ERMP1: variants seen among roughly 807,000 people sequenced by gnomAD.
ERMP1 encodes Felix-ina.
Under a neutral mutation model 92.0 loss-of-function variants are expected in ERMP1, and 86 were observed. That is an observed-to-expected ratio of 0.93 (90% confidence interval 0.79 to 1.12). The LOEUF is 1.12. Among genes scored for constraint, ERMP1 ranks in the 50% most tolerant of loss-of-function variants. ERMP1 has a pLI of 0.00. For missense variants in ERMP1, 1,342 were observed against 1,116.3 expected, an observed-to-expected ratio of 1.20 and a Z score of -2.88; for synonymous variants, 530 against 412.8, an observed-to-expected ratio of 1.28 and a Z score of -3.44.
At chr9:5,856,266 G>C (rs571343953) in intron 6 of ERMP1, 4 of 280,680 alleles carry the variant, frequency 1.4e-5, no homozygotes, top group Non-Finnish European at 2.9e-5. Context: ...GTCTGGAACC[G>C]AAAGACTGTT....
chr9:5,810,928 C>T (rs1829066491), intron 7 of ERMP1, among the ~76,000 whole-genome samples, 183 bp downstream of exon 7: 1 of 151,904 alleles, frequency 6.6e-6, no homozygotes, highest in Admixed American at 6.6e-5. Flanking sequence ...AAATTGACTG[C>T]TTCACCAAGA....
intron 6 of ERMP1, among the ~76,000 whole-genome samples, chr9:5,840,474 T>A (rs1429044493): frequency 6.6e-6 from 1 of 152,230 alleles, no homozygotes. Context: ...TGCAGCTTTA[T>A]GAATGTCAGG....
intron 2 of ERMP1, among the ~76,000 whole-genome samples, chr9:5,828,228 T>C (rs965714737): frequency 1.2e-4 from 19 of 152,228 alleles, no homozygotes; most frequent in Admixed American, 6.5e-4. Flanking sequence ...TCTGTAACAT[T>C]TGGCACTATG....
chr9:5,863,539 C>T (rs1476572035), intron 5 of ERMP1, among the ~76,000 whole-genome samples: 3 of 152,146 alleles, frequency 2.0e-5, no homozygotes. Flanking sequence ...AGGGCAGAGT[C>T]CTCAGATGAC....
chr9:5,797,586 T>A (rs1169368900), intron 13 of ERMP1, among the ~76,000 whole-genome samples: 2 of 150,654 alleles, frequency 1.3e-5, no homozygotes, highest in African/African-American at 4.9e-5. Context: ...AGGCGGAGGT[T>A]GCAGTGAGCC....
chr9:5,802,916 CA>C (rs1828725407), intron 10 of ERMP1, among the ~76,000 whole-genome samples: 1 of 152,052 alleles, frequency 6.6e-6, no homozygotes, highest in Admixed American at 6.6e-5. Context: ...ACACAGGATG[CA>C]ATATTTCAGG....
At chr9:5,837,780 G>A (rs10975312), upstream of ERMP1, among the ~76,000 whole-genome samples, 2,197 of 152,294 alleles carry the variant, frequency 0.014, 22 homozygotes, top group Non-Finnish European at 0.021. Context: ...GAATGCATGT[G>A]AAAATGTGGA....
intron 13 of ERMP1, among the ~76,000 whole-genome samples, chr9:5,788,766 T>G (rs1355448805): frequency 1.3e-5 from 2 of 151,466 alleles, no homozygotes; most frequent in Non-Finnish European, 2.9e-5. Context: ...TACAAATATA[T>G]CCATACAAAC....
chr9:5,792,021 T>G (rs903035261), intron 13 of ERMP1, among the ~76,000 whole-genome samples: 1 of 152,172 alleles, frequency 6.6e-6, no homozygotes, highest in Non-Finnish European at 1.5e-5. Flanking sequence ...CTTCATATTT[T>G]GCCAAGAAGA....
At chr9:5,823,857 A>T in intron 4 of ERMP1, 39 bp downstream of exon 4, 1 of 1,369,776 alleles carries the variant, frequency 7.3e-7, no homozygotes, top group Non-Finnish European at 1.0e-6. Context: ...TACAAAAACT[A>T]GAATTGCATT....
At chr9:5,815,735 A>AAAGAAAT (rs1829278931) in intron 4 of ERMP1, among the ~76,000 whole-genome samples, 1 of 152,128 alleles carries the variant, frequency 6.6e-6, no homozygotes, top group African/African-American at 2.4e-5. Flanking sequence ...TTGTACAAAG[A>AAAGAAAT]AAGAAATAGT....
At chr9:5,849,576 G>C (rs1830281146) in intron 6 of ERMP1, among the ~76,000 whole-genome samples, 1 of 152,122 alleles carries the variant, frequency 6.6e-6, no homozygotes, top group Admixed American at 6.5e-5. Flanking sequence ...CATAAACAAA[G>C]TCATGGTTTG....
At chr9:5,830,502 G>A (rs1829897421) in intron 2 of ERMP1, among the ~76,000 whole-genome samples, 1 of 152,200 alleles carries the variant, frequency 6.6e-6, no homozygotes, top group Non-Finnish European at 1.5e-5. Context: ...TCACTGGGCT[G>A]CTGGCATTAA....
rs766975093 is a variant in ERMP1 at position 5,833,075 on chromosome 9, C to A, written c.-48G>T. The stretch of plus-strand genomic sequence containing the variant: ...CCCAACCGCCCCAACCCGCGACAGC[C>A]CCGGCCGCCGCCGACGCCGCCGTCG... On this transcript the variant is annotated 5_prime_UTR_variant, in exon 1 of 15. Transcript: ENST00000339450. The A allele has an allele frequency of 1.4e-6, 2 of 1,394,712 alleles. No homozygotes were observed. Among genetic ancestry groups the A allele is most frequent in the Non-Finnish European group, 9.2e-7 (1 of 1,081,098 alleles). 86.4% of individuals were successfully genotyped at this position (1,394,712 alleles called of 1,614,324 possible).
chr9:5,861,315 G>A lies in ERMP1; in HGVS notation n.3056-1704C>T, dbSNP rs1349424499. On this transcript the variant is annotated intron_variant and non_coding_transcript_variant, in intron 5 of 6. Transcript: ENST00000690753. ...GGATGTCATCATTGGCCTTAGCTGT[G>A]CTGAATTTGGGTGAAAAAAAAGTAA... Among the ~76,000 whole-genome samples the A allele has an allele frequency of 3.3e-5, 5 of 151,828 alleles. No homozygotes were observed. In the East Asian group the frequency reaches 9.7e-4, roughly 29 times the overall value.
intron 4 of ERMP1, among the ~76,000 whole-genome samples, chr9:5,813,636 G>T (rs1160726298): frequency 6.6e-6 from 1 of 151,930 alleles, no homozygotes; most frequent in Non-Finnish European, 1.5e-5. Flanking sequence ...GTGAATTGTG[G>T]AGCATTATGG....
chr9:5,806,393 A>C lies in ERMP1; in HGVS notation c.1549-608T>G, dbSNP rs141562676. ...TAAAGTCCAAGGGTTCCTATGTAGCACCTTGCACTCTTCAAAATAAAGTTG... is the reference window on the plus strand; with the variant it reads ...TAAAGTCCAAGGGTTCCTATGTAGCCCCTTGCACTCTTCAAAATAAAGTTG... On this transcript the variant is annotated intron_variant, in intron 8 of 14. Transcript: ENST00000339450. Among the ~76,000 whole-genome samples the C allele has an allele frequency of 4.5e-3, 682 of 150,884 alleles. 7 individuals are homozygous for C. The highest frequency in any genetic ancestry group is 6.7e-3 in the Non-Finnish European group (455 of 67,752).
Position 5,833,088 on chromosome 9 carries a change from G to C in ERMP1, c.-61C>G. ...ACCCGCGACAGCCCCGGCCGCCGCCGACGCCGCCGTCGCTGCCGCAGCGCC... is the reference window on the plus strand; with the variant it reads ...ACCCGCGACAGCCCCGGCCGCCGCCCACGCCGCCGTCGCTGCCGCAGCGCC... On this transcript the variant is annotated 5_prime_UTR_variant, in exon 1 of 15. Transcript: ENST00000339450. 2 of 1,355,336 alleles carry C rather than the reference G, an allele frequency of 1.5e-6. No homozygotes were observed. The highest frequency in any genetic ancestry group is 9.5e-7 in the Non-Finnish European group (1 of 1,049,626). The allele number at this position is 1,355,336 out of a possible 1,614,324, so 84.0% of individuals were successfully genotyped here. A position where few individuals can be genotyped will look rare whatever the true frequency, so the allele number is the denominator to read the frequency against.
In ERMP1 at chr9:5,787,594, C is replaced by G. The variant is rs972733185; in HGVS notation, c.2387-1G>C. On this transcript the variant is annotated splice_acceptor_variant, in intron 13 of 14. Coordinates refer to ENST00000339450, the MANE Select transcript of ERMP1 (RefSeq NM_024896.3). LOFTEE classifies it high-confidence loss of function. ...ACATAGAAGGACATATGGCTTGGTC[C>G]TGTAAGGTAAAAGGAAGAAAGAACA... is the stretch of plus-strand genomic sequence containing the variant. The G allele has an allele frequency of 1.9e-6, 3 of 1,605,134 alleles. No homozygotes were observed. The African/African-American group carries it at 4.1e-5, about 22-fold the overall frequency.
Sources: allele counts gnomAD v4.1 joint callset (sites outside exome capture counted in the v4.1 genomes callset), GRCh38; gene constraint gnomAD v4.1.1; transcripts MANE v1.5; gene names NCBI Gene and HGNC (gene_info 2026-07-23, HGNC 2026-07-21).